Variants in FCHO2 observed in about 807,000 individuals in gnomAD.
FCHO2 encodes the protein F-BAR domain only protein 2.
Under a neutral mutation model 114.1 loss-of-function variants are expected in FCHO2, and 43 were observed. The ratio of observed to expected loss-of-function variants is 0.38; its 90% confidence interval spans 0.30 to 0.49. The LOEUF is 0.49. Among genes scored for constraint, FCHO2 ranks in the 20% least tolerant of loss-of-function variants. The pLI, the probability that FCHO2 is intolerant of heterozygous loss-of-function variation, is 0.97. For missense variants in FCHO2, 807 were observed against 950.4 expected, an observed-to-expected ratio of 0.85 and a Z score of 1.98; for synonymous variants, 293 against 315.2, an observed-to-expected ratio of 0.93 and a Z score of 0.75.
At chr5:72,973,097 G>A (rs1392321708) in intron 2 of FCHO2, among the ~76,000 whole-genome samples, 11 of 152,118 alleles carry the variant, frequency 7.2e-5, no homozygotes, top group Admixed American at 3.9e-4. Flanking sequence ...TGCTGGATTC[G>A]GTTTGCCAGT....
intron 10 of FCHO2, 116 bp from the exon 11 acceptor site, chr5:73,041,175 A>AT (rs1756786894): frequency 3.0e-6 from 2 of 665,734 alleles, no homozygotes; most frequent in South Asian, 1.8e-5. Context: ...TTCTCTGAAT[A>AT]TTTTTTGTAG....
chr5:73,039,074 T>A (rs1261353449), intron 10 of FCHO2, among the ~76,000 whole-genome samples: 1 of 152,230 alleles, frequency 6.6e-6, no homozygotes, highest in African/African-American at 2.4e-5. Context: ...TTGTTTTTGT[T>A]TTTTAACCAA....
At chr5:73,058,030 G>C (rs750815971) in intron 16 of FCHO2, among the ~76,000 whole-genome samples, 1 of 151,540 alleles carries the variant, frequency 6.6e-6, no homozygotes, top group Admixed American at 6.6e-5. Context: ...TTTTTTTTAC[G>C]GACGGGGTCT....
chr5:72,993,154 CTTACA>C (rs1753892169), intron 5 of FCHO2, among the ~76,000 whole-genome samples: 1 of 151,328 alleles, frequency 6.6e-6, no homozygotes. Flanking sequence ...TAAACATAAA[CTTACA>C]TTAAAGAAGA....
intron 2 of FCHO2, among the ~76,000 whole-genome samples, chr5:72,981,519 G>T (rs1315868062): frequency 1.3e-5 from 2 of 152,132 alleles, no homozygotes; most frequent in Non-Finnish European, 2.9e-5. Context: ...AGTTCTCCTG[G>T]ATGATATCCT....
chr5:73,058,459 G>T lies in FCHO2; in HGVS notation c.1280G>T (p.Trp427Leu). The T allele has an allele frequency of 6.4e-7, 1 of 1,571,798 alleles. No homozygotes were observed. The highest frequency in any genetic ancestry group is 8.6e-7 in the Non-Finnish European group (1 of 1,157,082). Residue 427 changes from tryptophan to leucine, a missense_variant, in exon 17 of 26, where the codon TGG (tryptophan) becomes TTG (leucine). Transcript: ENST00000430046. ...NEKGTSDLLA[W>L]DPLFGPSLDS... is the part of the protein sequence containing the mutation. The stretch of plus-strand genomic sequence containing the variant: ...AAAGGAACCAGTGATTTACTTGCTT[G>T]GGACCCCCTATTTGGACCATCTCTT...
chr5:72,999,319 AC>A (rs1561435674), intron 5 of FCHO2, among the ~76,000 whole-genome samples: 1 of 151,842 alleles, frequency 6.6e-6, no homozygotes, highest in Non-Finnish European at 1.5e-5. Context: ...TGACTTAAAA[AC>A]ATAAATACTA....
intron 1 of FCHO2, among the ~76,000 whole-genome samples, chr5:72,960,219 C>G (rs911360198): frequency 6.6e-6 from 1 of 152,236 alleles, no homozygotes; most frequent in Non-Finnish European, 1.5e-5. Context: ...TTGAAAGCAG[C>G]ACATTCTTCC....
chr5:73,031,999 A>G (rs1196459143), intron 8 of FCHO2, among the ~76,000 whole-genome samples: 1 of 152,262 alleles, frequency 6.6e-6, no homozygotes, highest in Non-Finnish European at 1.5e-5. Flanking sequence ...TTGTCTTATG[A>G]TTAAATAGCA....
chr5:73,004,237 G>T (rs1253783583), intron 5 of FCHO2, among the ~76,000 whole-genome samples: 1 of 151,856 alleles, frequency 6.6e-6, no homozygotes, highest in African/African-American at 2.4e-5. Context: ...AGCAAACTTG[G>T]TTATCTGGGT....
intron 10 of FCHO2, chr5:73,037,822 T>C (rs1180875399): frequency 2.5e-5 from 9 of 358,630 alleles, no homozygotes; most frequent in Non-Finnish European, 2.8e-5. Context: ...AATGGCGCGA[T>C]CTTGGCTTAC....
chr5:73,036,109 G>A (rs1429013680), intron 9 of FCHO2, among the ~76,000 whole-genome samples: 1 of 152,034 alleles, frequency 6.6e-6, no homozygotes, highest in African/African-American at 2.4e-5. Flanking sequence ...GCCTTCCAAA[G>A]TGCTGGGATT....
intron 9 of FCHO2, among the ~76,000 whole-genome samples, chr5:73,035,255 A>C (rs1397260953): frequency 2.0e-5 from 3 of 152,010 alleles, no homozygotes; most frequent in Non-Finnish European, 4.4e-5. Context: ...CCATCTCTAC[A>C]AAAAAACTTT....
Position 72,990,785 on chromosome 5 carries a change from C to A in FCHO2, c.416C>A (p.Ser139Tyr). 6.4e-7 allele frequency: 1 copy of A among 1,553,966 alleles called. No individual in the cohort carries two copies. Among genetic ancestry groups the A allele is most frequent in the South Asian group, 1.2e-5 (1 of 84,118 alleles). The change falls in exon 5 of 26, where the codon TCC becomes TAC. Residue 139 changes from serine to tyrosine, a missense_variant. By Grantham distance (144) the Ser-to-Tyr change is moderately radical (BLOSUM62 -2). Transcript: ENST00000430046. ...IQSITQALQK[S>Y]KENYNAKCVE... ...AGCATAACTCAGGCCCTCCAGAAAT[C>A]CAAGGAAAATTACAATGCCAAGTGT...
At chr5:73,082,736 C>G (rs928563416) in intron 23 of FCHO2, 25 bp from the exon 24 acceptor site, 1 of 1,586,832 alleles carries the variant, frequency 6.3e-7, no homozygotes, top group Non-Finnish European at 8.6e-7. Flanking sequence ...GACACAAAAC[C>G]TGAAGATATC....
At chr5:72,985,144 G>A (rs1243480900) in intron 2 of FCHO2, among the ~76,000 whole-genome samples, 2 of 151,734 alleles carry the variant, frequency 1.3e-5, no homozygotes, top group Non-Finnish European at 1.5e-5. Flanking sequence ...AAATCTAGCA[G>A]CATGATCAAA....
chr5:73,005,124 C>T (rs1303355350), intron 5 of FCHO2, among the ~76,000 whole-genome samples: 1 of 152,108 alleles, frequency 6.6e-6, no homozygotes, highest in Non-Finnish European at 1.5e-5. Context: ...AAGTACATAA[C>T]ATATATACTT....
intron 23 of FCHO2, 41 bp downstream of exon 23, chr5:73,082,023 G>A (rs779397096): frequency 1.4e-6 from 2 of 1,381,146 alleles, no homozygotes; most frequent in Non-Finnish European, 1.9e-6. Context: ...CTAAATTTTT[G>A]TTGCAATCCC....
intron 16 of FCHO2, among the ~76,000 whole-genome samples, chr5:73,056,542 A>C (rs551701732): frequency 1.3e-5 from 2 of 152,174 alleles, no homozygotes; most frequent in South Asian, 4.1e-4. Context: ...AGTTCTGTTA[A>C]TCATCCTGTT....
Sources: gnomAD v4.1 joint callset for allele counts (sites outside exome capture counted in the v4.1 genomes callset) on GRCh38, gnomAD v4.1.1 for gene constraint, MANE v1.5 for transcripts, NCBI Gene and HGNC (gene_info 2026-07-23, HGNC 2026-07-21) for gene names.